The following CTSH variants were observed in gnomAD, a reference collection of about 807,000 sequenced individuals.
CTSH encodes the protein cathepsin H, also known as pro-cathepsin H.
A neutral mutation model predicts 56.3 loss-of-function variants in CTSH; 52 were observed. That is an observed-to-expected ratio of 0.92 (90% confidence interval 0.74 to 1.16). The LOEUF (loss-of-function observed/expected upper bound fraction) is 1.16, where lower values mean the gene tolerates loss of function less well. Ranked by LOEUF, CTSH falls within the 50% of genes most tolerant of loss-of-function variation. The pLI is 0.00. For synonymous variants in CTSH, 174 were observed against 155.7 expected (o/e 1.12, Z -0.88); for missense variants, 406 against 424.5 (o/e 0.96, Z 0.38).
rs1216373949 is a variant in CTSH, at chr15:78,937,697, G to T, written c.124-274C>A. ...ACTGGTGAACAAACCTGCCACATGTGGGGCACTCCTGGACGCCACTGCTGG... is the reference window on the plus strand; with the variant it reads ...ACTGGTGAACAAACCTGCCACATGTTGGGCACTCCTGGACGCCACTGCTGG... On this transcript the variant is annotated intron_variant, in intron 2 of 11. Transcript: ENST00000220166. The T allele has an allele frequency of 2.9e-6, 4 of 1,374,992 alleles. No homozygotes were observed. In the East Asian group the frequency reaches 1.5e-4, roughly 52 times the overall value. The allele number at this position is 1,374,992 out of a possible 1,614,324, so 85.2% of individuals were successfully genotyped here.
chr15:78,932,256 G>A, intron 6 of CTSH, 116 bp downstream of exon 6: 4 of 934,160 alleles, frequency 4.3e-6, no homozygotes, highest in Non-Finnish European at 6.6e-6. Context: ...TGGGGCATCT[G>A]GGTCCACCTG....
intron 6 of CTSH, 27 bp downstream of exon 6, chr15:78,932,344 AG>A: frequency 1.2e-6 from 2 of 1,604,450 alleles, no homozygotes; most frequent in Non-Finnish European, 1.7e-6. Context: ...TGTCCTCCGC[AG>A]GGGGTCGCCT....
At chr15:78,930,033 T>C (rs567672586) in intron 7 of CTSH, among the ~76,000 whole-genome samples, 65 of 152,340 alleles carry the variant, frequency 4.3e-4, no homozygotes, top group Admixed American at 9.1e-4. Flanking sequence ...CCGTCCCTTC[T>C]CTGTTTCTCT....
intron 6 of CTSH, chr15:78,932,024 T>G (rs948980593): frequency 9.3e-6 from 11 of 1,185,582 alleles, no homozygotes; most frequent in Non-Finnish European, 1.1e-5. Flanking sequence ...TCTTCCCTCA[T>G]GAAGACAACT....
At chr15:78,940,225 T>C (rs2055260036) in intron 1 of CTSH, among the ~76,000 whole-genome samples, 1 of 152,274 alleles carries the variant, frequency 6.6e-6, no homozygotes, top group South Asian at 2.1e-4. Flanking sequence ...TGTATGTTCT[T>C]ATCTAAACAT....
intron 1 of CTSH, among the ~76,000 whole-genome samples, chr15:78,940,051 T>C (rs1033944373): frequency 1.3e-5 from 2 of 152,192 alleles, no homozygotes; most frequent in Non-Finnish European, 2.9e-5. Context: ...CTGTGAACAT[T>C]AATGGGTAGG....
At chr15:78,927,893 G>T in intron 8 of CTSH, 112 bp from the exon 9 acceptor site, 1 of 837,140 alleles carries the variant, frequency 1.2e-6, no homozygotes, top group Non-Finnish European at 2.0e-6. Flanking sequence ...GGGCCTGGGG[G>T]ATGGGATAAT....
At chr15:78,931,408 G>A (rs751508768) in intron 7 of CTSH, 43 bp downstream of exon 7, 32 of 1,613,214 alleles carry the variant, frequency 2.0e-5, no homozygotes, top group South Asian at 5.5e-5. Context: ...AGCGGTCAGT[G>A]GGAAATGAGG....
intron 2 of CTSH, chr15:78,937,671 C>T: frequency 7.2e-7 from 1 of 1,386,054 alleles, no homozygotes; most frequent in South Asian, 1.2e-5. Flanking sequence ...GTCCAAGAGG[C>T]ACTGGTGAAC....
chr15:78,929,341 C>T, intron 8 of CTSH, 71 bp downstream of exon 8: 2 of 1,207,502 alleles, frequency 1.7e-6, no homozygotes, highest in Admixed American at 1.9e-5. Context: ...GGATGTCTTC[C>T]AAGGCTGGGG....
intron 11 of CTSH, 101 bp downstream of exon 11, chr15:78,922,892 C>CA (rs1393494492): frequency 4.1e-5 from 58 of 1,422,780 alleles, no homozygotes; most frequent in Non-Finnish European, 3.3e-5. Flanking sequence ...CTGACCAGCT[C>CA]GTCTGTGGAA....
intron 10 of CTSH, among the ~76,000 whole-genome samples, chr15:78,924,399 T>G (rs1029696922): frequency 6.6e-6 from 1 of 151,254 alleles, no homozygotes; most frequent in Non-Finnish European, 1.5e-5. Context: ...TGTGGGGGGT[T>G]AGGGGGTCCA....
intron 10 of CTSH, among the ~76,000 whole-genome samples, chr15:78,924,385 A>G (rs73470386): frequency 0.074 from 11,251 of 152,034 alleles, 1,435 homozygotes; most frequent in African/African-American, 0.26. Context: ...AAGCTGGAAC[A>G]GTGTGTGGGG....
rs1212862477 is a variant in CTSH, at chr15:78,925,223, G to T, written c.806+111C>A. ...CAGCACCTGGCAGGTGTCATGAAGG[G>T]TCTGACACACAGGAGTCTGGGCCAC... On this transcript the variant is annotated intron_variant, in intron 10 of 11. Transcript: ENST00000220166. The T allele has an allele frequency of 1.2e-5, 8 of 686,186 alleles. No individual in the cohort carries two copies. In the East Asian group the frequency reaches 2.2e-4, roughly 19 times the overall value. The allele number at this position is 686,186 out of a possible 1,614,324, so 42.5% of individuals were successfully genotyped here.
chr15:78,930,888 A>G (rs181482571), intron 7 of CTSH, among the ~76,000 whole-genome samples: 1 of 152,344 alleles, frequency 6.6e-6, no homozygotes, highest in East Asian at 1.9e-4. Flanking sequence ...CAAAGACCAC[A>G]GAAATGTCTC....
intron 5 of CTSH, 182 bp downstream of exon 5, chr15:78,934,796 A>G: frequency 2.9e-6 from 2 of 693,654 alleles, no homozygotes; most frequent in Non-Finnish European, 2.7e-6. Flanking sequence ...CCTCCAGAGC[A>G]GCCTAGAGAA....
intron 2 of CTSH, chr15:78,937,904 A>G: frequency 1.1e-6 from 1 of 887,652 alleles, no homozygotes. Context: ...CGATACATTC[A>G]TATAATGTGT....
At chr15:78,926,383 G>C (rs757727196) in intron 9 of CTSH, 1 of 152,376 alleles carries the variant, frequency 6.6e-6, no homozygotes, top group Non-Finnish European at 1.5e-5. Flanking sequence ...GACATGGAGG[G>C]CACAGAGGCC....
intron 8 of CTSH, among the ~76,000 whole-genome samples, chr15:78,928,654 G>A (rs2141528658): frequency 6.6e-6 from 1 of 152,128 alleles, no homozygotes; most frequent in South Asian, 2.1e-4. Context: ...AAGGCCGCAT[G>A]GAGCCTCGGC....
Sources: allele counts gnomAD v4.1 joint callset (sites outside exome capture counted in the v4.1 genomes callset), GRCh38; gene constraint gnomAD v4.1.1; transcripts MANE v1.5; gene names NCBI Gene and HGNC (gene_info 2026-07-23, HGNC 2026-07-21).